SLC9A2: variants seen among roughly 807,000 people sequenced by gnomAD.
SLC9A2 encodes the protein sodium/hydrogen exchanger 2.
A neutral mutation model predicts 71.7 loss-of-function variants in SLC9A2; 42 were observed. The observed-to-expected ratio is 0.59, with a 90% CI of 0.46 to 0.76. SLC9A2 has a LOEUF of 0.76. SLC9A2 is among the 30% of genes least tolerant of loss of function. The pLI, the probability that SLC9A2 is intolerant of heterozygous loss-of-function variation, is 0.00. For missense variants in SLC9A2, 829 were observed against 1,017.4 expected (o/e 0.81, Z 2.52); for synonymous variants, 396 against 392.5 (o/e 1.01, Z -0.10).
At chr2:102,661,673 A>C (rs1479343675) in intron 2 of SLC9A2, among the ~76,000 whole-genome samples, 1 of 152,214 alleles carries the variant, frequency 6.6e-6, no homozygotes, top group African/African-American at 2.4e-5. Context: ...TTTGCAATTT[A>C]AAAATATCAT....
intron 1 of SLC9A2, among the ~76,000 whole-genome samples, chr2:102,628,189 CAATA>C (rs1676286652): frequency 6.6e-6 from 1 of 151,902 alleles, no homozygotes; most frequent in Non-Finnish European, 1.5e-5. Context: ...ATAATAATAA[CAATA>C]AAGAGAATGG....
At chr2:102,678,554 G>A (rs1346286595) in intron 3 of SLC9A2, among the ~76,000 whole-genome samples, 2 of 152,160 alleles carry the variant, frequency 1.3e-5, no homozygotes, top group African/African-American at 4.8e-5. Context: ...CACAGAATGA[G>A]GACGTGAGGC....
chr2:102,678,659 C>T (rs149703490), intron 3 of SLC9A2, among the ~76,000 whole-genome samples: 49 of 152,236 alleles, frequency 3.2e-4, no homozygotes, highest in African/African-American at 8.7e-4. Context: ...AATGCTGTGA[C>T]GTGACATTGT....
intron 5 of SLC9A2, among the ~76,000 whole-genome samples, chr2:102,690,400 G>A (rs1011140967): frequency 2.6e-5 from 4 of 152,194 alleles, no homozygotes; most frequent in Admixed American, 1.3e-4. Flanking sequence ...GAGGGGAACA[G>A]AGAAATGAGG....
chr2:102,673,065 A>T (rs1262746701), intron 3 of SLC9A2, among the ~76,000 whole-genome samples: 1 of 152,170 alleles, frequency 6.6e-6, no homozygotes. Flanking sequence ...CCTAAGTAGG[A>T]TTATGTATTC....
At chr2:102,645,603 C>T (rs776363933) in intron 1 of SLC9A2, among the ~76,000 whole-genome samples, 1 of 151,432 alleles carries the variant, frequency 6.6e-6, no homozygotes, top group Non-Finnish European at 1.5e-5. Context: ...TAAAGAAGAA[C>T]ATAAATGACC....
intron 5 of SLC9A2, among the ~76,000 whole-genome samples, chr2:102,689,417 A>G (rs918296544): frequency 5.3e-5 from 8 of 152,178 alleles, no homozygotes; most frequent in African/African-American, 1.9e-4. Context: ...CTTAGGGCCC[A>G]TGGTGGGGTA....
intron 3 of SLC9A2, among the ~76,000 whole-genome samples, chr2:102,676,156 T>C (rs1173004914): frequency 2.0e-5 from 3 of 152,214 alleles, no homozygotes; most frequent in African/African-American, 7.2e-5. Flanking sequence ...TGGTGCAGGA[T>C]TGTTGCATGC....
chr2:102,642,618 G>GTTTTCT (rs1029825734), intron 1 of SLC9A2, among the ~76,000 whole-genome samples: 1 of 151,994 alleles, frequency 6.6e-6, no homozygotes, highest in African/African-American at 2.4e-5. Flanking sequence ...TTGGTCTGTT[G>GTTTTCT]TTTTCTTTTT....
At position 102,695,113 on chromosome 2, in the gene SLC9A2, A is replaced by G. The variant is rs1677730600; in HGVS notation, c.1586A>G (p.Lys529Arg). Residue 529 changes from lysine (K) to arginine (R), a missense_variant and splice_region_variant, in exon 7 of 12, where the codon AAG (lysine) becomes AGG (arginine). Coordinates refer to ENST00000233969, the MANE Select transcript of SLC9A2 (RefSeq NM_003048.6). ...TGGGGTCACAACTTTTGGAGAGACA[A>G]GTAAGAAGGTCTTATGCCATTGGGT... is the stretch of plus-strand genomic sequence containing the variant. The part of the protein sequence containing the change: ...GHWGHNFWRD[K>R]FKKFDDKYLR... 1.2e-6 allele frequency: 2 copies of G among 1,611,614 alleles called. No homozygotes were observed. Among genetic ancestry groups the G allele is most frequent in the Non-Finnish European group, 1.7e-6 (2 of 1,177,770 alleles).
At chr2:102,654,195 CTTTTT>C (rs34248413) in intron 1 of SLC9A2, among the ~76,000 whole-genome samples, 1 of 89,528 alleles carries the variant, frequency 1.1e-5, no homozygotes, top group African/African-American at 4.7e-5. Context: ...TTGGCTGACT[CTTTTT>C]TTTTTTTTTT....
intron 1 of SLC9A2, among the ~76,000 whole-genome samples, chr2:102,626,710 T>G (rs1055127840): frequency 1.3e-5 from 2 of 151,776 alleles, no homozygotes; most frequent in African/African-American, 4.8e-5. Flanking sequence ...TACAAAGAAC[T>G]CAAACAAATT....
chr2:102,708,490 G>C lies in SLC9A2; in HGVS notation c.*1G>C, dbSNP rs1678032260. ...CCGATTTGGGAGTGAGAAGCCTTAA[G>C]AGAAGCAGCGAAAGCAGATCTGAGT... On this transcript the variant is annotated 3_prime_UTR_variant, in exon 12 of 12. Coordinates refer to ENST00000233969, the MANE Select transcript of SLC9A2 (RefSeq NM_003048.6). The C allele has an allele frequency of 1.9e-6, 3 of 1,612,096 alleles. No homozygotes were observed. The African/African-American group carries it at 4.0e-5, about 22-fold the overall frequency.
At chr2:102,668,032 C>T (rs1238586371) in intron 3 of SLC9A2, among the ~76,000 whole-genome samples, 1 of 152,022 alleles carries the variant, frequency 6.6e-6, no homozygotes, top group African/African-American at 2.4e-5. Flanking sequence ...CAAGATCACA[C>T]CACTGCCCTC....
chr2:102,691,647 G>C (rs13398866), intron 5 of SLC9A2, among the ~76,000 whole-genome samples: 7,910 of 152,224 alleles, frequency 0.052, 694 homozygotes, highest in African/African-American at 0.18. Flanking sequence ...TAAAAAGGGC[G>C]ACGATTAAAA....
intron 1 of SLC9A2, among the ~76,000 whole-genome samples, chr2:102,640,234 A>T (rs540789546): frequency 6.6e-6 from 1 of 152,322 alleles, no homozygotes; most frequent in African/African-American, 2.4e-5. Flanking sequence ...GCTGTCTCTC[A>T]GCACTTCTCA....
intron 1 of SLC9A2, among the ~76,000 whole-genome samples, chr2:102,623,553 A>C (rs1316964092): frequency 2.0e-5 from 3 of 152,160 alleles, no homozygotes; most frequent in African/African-American, 7.2e-5. Flanking sequence ...CCCATTAAAC[A>C]GTCATCTAGT....
chr2:102,699,123 G>A (rs912883329), intron 7 of SLC9A2, among the ~76,000 whole-genome samples: 4 of 152,176 alleles, frequency 2.6e-5, no homozygotes, highest in Non-Finnish European at 5.9e-5. Context: ...GGGGACTGCT[G>A]GGGGAGGAAG....
At chr2:102,655,210 CTT>C (rs58932567) in intron 1 of SLC9A2, among the ~76,000 whole-genome samples, 20 of 138,220 alleles carry the variant, frequency 1.4e-4, no homozygotes, top group Admixed American at 1.5e-4. Context: ...TACCCTTATT[CTT>C]TTTTTTTTTT....
Sources: allele counts gnomAD v4.1 joint callset (sites outside exome capture counted in the v4.1 genomes callset), GRCh38; gene constraint gnomAD v4.1.1; transcripts MANE v1.5; gene names NCBI Gene and HGNC (gene_info 2026-07-23, HGNC 2026-07-21).